The following FHOD3 variants were observed in gnomAD, a reference collection of about 807,000 sequenced individuals.
FHOD3 encodes FH1/FH2 domain-containing protein 3.
Under a neutral mutation model 173.0 loss-of-function variants are expected in FHOD3, and 90 were observed. The observed-to-expected ratio is 0.52, with a 90% CI of 0.44 to 0.62. The LOEUF (loss-of-function observed/expected upper bound fraction) is 0.62, where lower values mean the gene tolerates loss of function less well. Ranked by LOEUF, FHOD3 falls within the 20% of genes least tolerant of loss-of-function variation. The probability of loss-of-function intolerance (pLI) is 0.00; values close to 1 mark genes in which losing one functional copy is unlikely to be tolerated. For missense variants in FHOD3, 1,945 were observed against 2,034.7 expected (o/e 0.96, Z 0.85); for synonymous variants, 828 against 823.0 (o/e 1.01, Z -0.10).
At chr18:36,760,496 C>T in intron 26 of FHOD3, 112 bp from the exon 27 acceptor site, 1 of 1,021,222 alleles carries the variant, frequency 9.8e-7, no homozygotes, top group Non-Finnish European at 1.4e-6. Context: ...AATGTGTCTG[C>T]AAACAAAACA....
chr18:36,312,320 A>T (rs76537693), intron 1 of FHOD3, among the ~76,000 whole-genome samples: 11,304 of 151,578 alleles, frequency 0.075, 1,363 homozygotes, highest in African/African-American at 0.25. Flanking sequence ...CAAAGACCAC[A>T]CCTCCTCCTC....
intron 3 of FHOD3, among the ~76,000 whole-genome samples, chr18:36,434,907 C>G (rs568128890): frequency 6.6e-5 from 10 of 151,960 alleles, no homozygotes; most frequent in Middle Eastern, 3.4e-3. Context: ...TTTTGCTAAA[C>G]TTATTATTTC....
intron 17 of FHOD3, among the ~76,000 whole-genome samples, chr18:36,697,471 C>T (rs929238864): frequency 1.3e-5 from 2 of 152,090 alleles, no homozygotes; most frequent in Non-Finnish European, 2.9e-5. Context: ...GAGCTTGATA[C>T]TCTCCATATT....
intron 3 of FHOD3, among the ~76,000 whole-genome samples, chr18:36,373,412 C>T (rs1017382268): frequency 1.3e-5 from 2 of 151,136 alleles, no homozygotes; most frequent in Non-Finnish European, 2.9e-5. Context: ...ATCAAAAGAG[C>T]GTAGATCATC....
intron 9 of FHOD3, among the ~76,000 whole-genome samples, chr18:36,621,837 G>T (rs1051042309): frequency 2.6e-5 from 4 of 152,170 alleles, no homozygotes; most frequent in Non-Finnish European, 5.9e-5. Context: ...CCCACTTCTG[G>T]ATATTCATCA....
At chr18:36,489,292 G>C (rs555918258) in intron 3 of FHOD3, among the ~76,000 whole-genome samples, 18 of 152,268 alleles carry the variant, frequency 1.2e-4, no homozygotes, top group African/African-American at 4.1e-4. Context: ...TGCCAGTAGG[G>C]GGGTGAGTAG....
chr18:36,633,517 G>A (rs766639097), intron 10 of FHOD3, among the ~76,000 whole-genome samples: 6 of 152,110 alleles, frequency 3.9e-5, no homozygotes, highest in Admixed American at 2.6e-4. Context: ...TACATGTATT[G>A]TAAATTCCAT....
At chr18:36,641,377 A>T (rs1173510430) in intron 10 of FHOD3, among the ~76,000 whole-genome samples, 1 of 152,206 alleles carries the variant, frequency 6.6e-6, no homozygotes. Context: ...ATTAGAGGTC[A>T]GCTAGGCAAA....
chr18:36,428,193 A>G (rs2050351479), intron 3 of FHOD3, among the ~76,000 whole-genome samples: 2 of 151,944 alleles, frequency 1.3e-5, no homozygotes. Flanking sequence ...TAAAATTTTC[A>G]TTATTTATTG....
chr18:36,587,159 G>C (rs1332171955), intron 6 of FHOD3, among the ~76,000 whole-genome samples: 1 of 152,126 alleles, frequency 6.6e-6, no homozygotes, highest in Non-Finnish European at 1.5e-5. Flanking sequence ...GATGGTGGGG[G>C]GAACTTCTCA....
intron 6 of FHOD3, among the ~76,000 whole-genome samples, chr18:36,587,811 C>G (rs1321301495): frequency 6.6e-6 from 1 of 152,112 alleles, no homozygotes; most frequent in African/African-American, 2.4e-5. Context: ...ATTTGTAGCA[C>G]TATTTATTGT....
chr18:36,350,724 G>A (rs9958945), intron 1 of FHOD3, among the ~76,000 whole-genome samples: 8,760 of 152,168 alleles, frequency 0.058, 826 homozygotes, highest in African/African-American at 0.2. Flanking sequence ...TGAGTTTTTC[G>A]CTCTGTAGGG....
chr18:36,668,909 A>G (rs750690377), intron 14 of FHOD3, among the ~76,000 whole-genome samples: 4 of 152,004 alleles, frequency 2.6e-5, no homozygotes, highest in African/African-American at 9.7e-5. Flanking sequence ...GAATAGGATC[A>G]ACTGTGGCAA....
At chr18:36,569,250 A>G (rs1031601182) in intron 5 of FHOD3, among the ~76,000 whole-genome samples, 1 of 152,186 alleles carries the variant, frequency 6.6e-6, no homozygotes, top group African/African-American at 2.4e-5. Flanking sequence ...TTATAATGCT[A>G]TAGGTGGTTT....
intron 9 of FHOD3, among the ~76,000 whole-genome samples, chr18:36,614,898 T>C (rs895441591): frequency 6.9e-6 from 1 of 145,336 alleles, no homozygotes; most frequent in Non-Finnish European, 1.5e-5. Context: ...TTGCCCAGAC[T>C]GGAGTGCAAT....
chr18:36,731,962 G>A (rs895904297), intron 20 of FHOD3, among the ~76,000 whole-genome samples: 1 of 152,196 alleles, frequency 6.6e-6, no homozygotes, highest in Non-Finnish European at 1.5e-5. Flanking sequence ...TTGGAAAAAG[G>A]GTCTTGTACA....
chr18:36,709,368 A>G lies in FHOD3; in HGVS notation c.2510A>G (p.Lys837Arg). Residue 837 changes from lysine (K) to arginine (R), a missense_variant, in exon 18 of 29, where the codon AAG (lysine) becomes AGG (arginine). Coordinates refer to ENST00000590592, the MANE Select transcript of FHOD3 (RefSeq NM_001281740.3). ...STLEREEKEDKLSRDRTTGLW... is the reference protein window; with the variant it reads ...STLEREEKEDRLSRDRTTGLW... Reference sequence around the variant, plus strand: ...TTGGAGAGGGAGGAGAAGGAGGACAAGCTCTCCAGGGACAGGACAACTGGT... The same window carrying G: ...TTGGAGAGGGAGGAGAAGGAGGACAGGCTCTCCAGGGACAGGACAACTGGT... The G allele has an allele frequency of 1.2e-6, 2 of 1,614,012 alleles. No homozygotes were observed. The highest frequency in any genetic ancestry group is 1.1e-5 in the South Asian group (1 of 91,076).
At chr18:36,515,030 G>A (rs910507876) in intron 5 of FHOD3, among the ~76,000 whole-genome samples, 18 of 152,160 alleles carry the variant, frequency 1.2e-4, no homozygotes, top group African/African-American at 4.3e-4. Flanking sequence ...CCACAGTGAG[G>A]CCCCTCCCAC....
intron 3 of FHOD3, among the ~76,000 whole-genome samples, chr18:36,412,132 G>C (rs1442535928): frequency 1.3e-5 from 2 of 152,208 alleles, no homozygotes; most frequent in Non-Finnish European, 2.9e-5. Context: ...GGGCTGGAGG[G>C]CAGTTAATAT....
Sources: gnomAD v4.1 joint callset for allele counts (sites outside exome capture counted in the v4.1 genomes callset) on GRCh38, gnomAD v4.1.1 for gene constraint, MANE v1.5 for transcripts, NCBI Gene and HGNC (gene_info 2026-07-23, HGNC 2026-07-21) for gene names.